Variants in SMAP1 observed in about 807,000 individuals in gnomAD.
SMAP1 encodes the protein small ArfGAP 1.
A neutral mutation model predicts 58.5 loss-of-function variants in SMAP1; 24 were observed. The ratio of observed to expected loss-of-function variants is 0.41; its 90% confidence interval spans 0.30 to 0.58. The LOEUF (loss-of-function observed/expected upper bound fraction) is 0.58, where lower values mean the gene tolerates loss of function less well. SMAP1 is among the 20% of genes least tolerant of loss of function. The pLI, the probability that SMAP1 is intolerant of heterozygous loss-of-function variation, is 0.29. For missense variants in SMAP1, 563 were observed against 566.3 expected (o/e 0.99, Z 0.06); for synonymous variants, 216 against 196.6 (o/e 1.10, Z -0.82).
chr6:70,694,811 T>C (rs1005107371), intron 1 of SMAP1, among the ~76,000 whole-genome samples: 2 of 152,238 alleles, frequency 1.3e-5, no homozygotes, highest in African/African-American at 4.8e-5. Context: ...AACACCTTAA[T>C]AACTTGAGGA....
intron 6 of SMAP1, among the ~76,000 whole-genome samples, chr6:70,829,173 TAGTGTACCTTG>T (rs1438192758): frequency 6.6e-6 from 1 of 152,236 alleles, no homozygotes; most frequent in African/African-American, 2.4e-5. Context: ...GTGGTCTTTA[TAGTGTACCTTG>T]AGTTAAAATT....
Position 70,856,828 on chromosome 6 carries a change from A to G in SMAP1, c.790-31A>G. The stretch of plus-strand genomic sequence containing the variant: ...GATAAGCTGCGCTTTACTATGCAGA[A>G]TTTGATAGCTTATTTTGGTGTTTGT... On this transcript the variant is annotated intron_variant, in intron 8 of 10. Transcript: ENST00000370455. The G allele has an allele frequency of 1.9e-6, 3 of 1,569,418 alleles. No individual in the cohort carries two copies. The South Asian group carries it at 3.6e-5, about 19-fold the overall frequency.
chr6:70,781,078 G>A (rs562260917), intron 4 of SMAP1, among the ~76,000 whole-genome samples: 3 of 152,270 alleles, frequency 2.0e-5, no homozygotes, highest in East Asian at 1.9e-4. Context: ...TATCATTGGA[G>A]AAATCTTGGC....
chr6:70,776,414 C>T lies in SMAP1; in HGVS notation c.414+2989C>T, dbSNP rs139901708. Among the ~76,000 whole-genome samples, 720 of 152,196 alleles carry T rather than the reference C, an allele frequency of 4.7e-3. 2 individuals carry two copies. Among genetic ancestry groups the T allele is most frequent in the African/African-American group, 0.017 (695 of 41,524 alleles). ...CAGGATGGTCTCGATCTCTTGACCT[C>T]GTGATCTGCCCACCTCGACCTCTCA... On this transcript the variant is annotated intron_variant, in intron 4 of 10. Coordinates refer to ENST00000370455, the MANE Select transcript of SMAP1 (RefSeq NM_001044305.3).
At chr6:70,720,630 ATCT>A (rs998231778) in intron 1 of SMAP1, among the ~76,000 whole-genome samples, 2 of 152,204 alleles carry the variant, frequency 1.3e-5, no homozygotes, top group Admixed American at 6.5e-5. Context: ...GTTTCCATAC[ATCT>A]TCTAAAATCT....
intron 1 of SMAP1, among the ~76,000 whole-genome samples, chr6:70,718,819 CAAAAAA>C (rs5877259): frequency 5.2e-5 from 3 of 57,546 alleles, no homozygotes; most frequent in South Asian, 6.2e-4. Context: ...GACTCCATCT[CAAAAAA>C]AAAAAAAAAA....
intron 4 of SMAP1, among the ~76,000 whole-genome samples, chr6:70,774,898 A>G (rs1034780866): frequency 6.6e-6 from 1 of 152,012 alleles, no homozygotes; most frequent in Admixed American, 6.6e-5. Flanking sequence ...CTGTAATCCC[A>G]GCCACTTGGG....
intron 1 of SMAP1, among the ~76,000 whole-genome samples, chr6:70,724,549 C>T (rs1384177917): frequency 6.6e-6 from 1 of 152,172 alleles, no homozygotes; most frequent in Non-Finnish European, 1.5e-5. Context: ...AATCACTTGC[C>T]TTCCATTAAT....
rs764984102 is a variant in SMAP1 at position 70,836,952 on chromosome 6, A to G, written c.588A>G (p.Lys196=). The change falls in exon 7 of 11, where the codon AAA becomes AAG. Residue 196 remains lysine, a synonymous_variant. Coordinates refer to ENST00000370455, the MANE Select transcript of SMAP1 (RefSeq NM_001044305.3). The part of the protein sequence containing the change: ...KPLTAEKLQK[K]DQQLEPKKST... ...TATTTACTTTAAAGCTGCAGAAGAA[A>G]GATCAGCAACTGGAGCCTAAAAAAA... 8 of 1,593,052 alleles carry G rather than the reference A, an allele frequency of 5.0e-6. No homozygotes were observed. Among genetic ancestry groups the G allele is most frequent in the African/African-American group, 2.7e-5 (2 of 73,672 alleles).
At chr6:70,686,890 G>T (rs1025729003) in intron 1 of SMAP1, among the ~76,000 whole-genome samples, 6 of 152,156 alleles carry the variant, frequency 3.9e-5, no homozygotes, top group African/African-American at 1.4e-4. Context: ...GGACAGTTCT[G>T]CACAATGAAT....
chr6:70,710,588 A>C (rs1315526104), intron 1 of SMAP1, among the ~76,000 whole-genome samples: 1 of 151,916 alleles, frequency 6.6e-6, no homozygotes, highest in Non-Finnish European at 1.5e-5. Context: ...GCTCTGGGTA[A>C]GTCAGTGAGT....
intron 3 of SMAP1, among the ~76,000 whole-genome samples, chr6:70,763,571 T>A (rs1018559727): frequency 6.6e-6 from 1 of 152,120 alleles, no homozygotes; most frequent in Non-Finnish European, 1.5e-5. Flanking sequence ...ATAGAAAGGA[T>A]TAAGCTAGTG....
intron 2 of SMAP1, among the ~76,000 whole-genome samples, chr6:70,751,157 T>A (rs529180418): frequency 2.6e-5 from 4 of 152,082 alleles, no homozygotes; most frequent in Admixed American, 2.6e-4. Context: ...GGAGAATCAC[T>A]TGAACCTGGG....
intron 1 of SMAP1, among the ~76,000 whole-genome samples, chr6:70,711,152 A>T (rs1768041627): frequency 6.6e-6 from 1 of 152,242 alleles, no homozygotes; most frequent in Non-Finnish European, 1.5e-5. Context: ...GTAAATACAT[A>T]AACCAGTACC....
intron 7 of SMAP1, among the ~76,000 whole-genome samples, chr6:70,845,396 G>T (rs547198569): frequency 1.3e-5 from 2 of 152,298 alleles, no homozygotes; most frequent in East Asian, 3.9e-4. Flanking sequence ...GAAAAGATGG[G>T]ATTATCTAAG....
At chr6:70,771,005 G>A (rs946125589) in intron 3 of SMAP1, among the ~76,000 whole-genome samples, 16 of 152,250 alleles carry the variant, frequency 1.1e-4, no homozygotes, top group East Asian at 9.7e-4. Flanking sequence ...GGAGTTTGCT[G>A]GAGGTCCACT....
intron 1 of SMAP1, among the ~76,000 whole-genome samples, chr6:70,730,981 G>T (rs1339226752): frequency 6.6e-6 from 1 of 152,054 alleles, no homozygotes; most frequent in Non-Finnish European, 1.5e-5. Flanking sequence ...TGTATTTTTA[G>T]TAGAGACCGG....
chr6:70,858,124 T>G lies in SMAP1; in HGVS notation c.1164T>G (p.Pro388=). ...GNAQTGVMPL[P]QNVVGPQGGM... is the part of the protein sequence containing the mutation. ...CACAAACTGGTGTGATGCCACTTCC[T>G]CAGAACGTTGTTGGCCCCCAAGGAG... Residue 388 remains proline (P), a synonymous_variant, in exon 10 of 11, where the codon CCT becomes CCG. Coordinates refer to ENST00000370455, the MANE Select transcript of SMAP1 (RefSeq NM_001044305.3). 1 of 1,613,950 alleles carries G rather than the reference T, an allele frequency of 6.2e-7. No homozygotes were observed. Among genetic ancestry groups the G allele is most frequent in the Non-Finnish European group, 8.5e-7 (1 of 1,179,986 alleles).
intron 1 of SMAP1, among the ~76,000 whole-genome samples, chr6:70,699,059 G>A (rs1767523107): frequency 6.6e-6 from 1 of 152,206 alleles, no homozygotes; most frequent in Non-Finnish European, 1.5e-5. Flanking sequence ...AGTATGCAAA[G>A]GAATTGAGTG....
Sources: allele counts gnomAD v4.1 joint callset (sites outside exome capture counted in the v4.1 genomes callset), GRCh38; gene constraint gnomAD v4.1.1; transcripts MANE v1.5; gene names NCBI Gene and HGNC (gene_info 2026-07-23, HGNC 2026-07-21).